XKR9: variants seen among roughly 807,000 people sequenced by gnomAD.
XKR9 encodes XK-related protein 9.
XKR9 carries 32 observed loss-of-function variants against 32.0 expected under a neutral mutation model. That is an observed-to-expected ratio of 1.00 (90% CI 0.76 to 1.34). The LOEUF (loss-of-function observed/expected upper bound fraction) is 1.34, where lower values mean the gene tolerates loss of function less well. XKR9 is among the 40% of genes most tolerant of loss of function. The probability of loss-of-function intolerance (pLI) is 0.00; values close to 1 mark genes in which losing one functional copy is unlikely to be tolerated. For synonymous variants in XKR9, 168 were observed against 143.4 expected (o/e 1.17, Z -1.22); for missense variants, 546 against 429.7 (o/e 1.27, Z -2.39).
chr8:70,817,662 G>A, the XKR9 span, among the ~76,000 whole-genome samples: 1 of 152,058 alleles, frequency 6.6e-6, no homozygotes, highest in African/African-American at 2.4e-5. Flanking sequence ...AGCCCCAGTA[G>A]CCAAAACAAT....
At chr8:70,870,379 C>A in the XKR9 span, among the ~76,000 whole-genome samples, 20 of 152,312 alleles carry the variant, frequency 1.3e-4, no homozygotes, top group Non-Finnish European at 2.9e-4. Flanking sequence ...ATTCCAGAGT[C>A]TGGTCACATA....
At chr8:70,912,199 T>A in the XKR9 span, among the ~76,000 whole-genome samples, 2 of 152,014 alleles carry the variant, frequency 1.3e-5, no homozygotes, top group Non-Finnish European at 2.9e-5. Flanking sequence ...ATCATAAGGA[T>A]GGTGTTTGCT....
chr8:70,891,495 T>A, the XKR9 span, among the ~76,000 whole-genome samples: 1 of 152,058 alleles, frequency 6.6e-6, no homozygotes, highest in Admixed American at 6.6e-5. Context: ...TATTTCTTTT[T>A]TTATTTGTTT....
At chr8:70,843,617 A>G in the XKR9 span, among the ~76,000 whole-genome samples, 1 of 152,208 alleles carries the variant, frequency 6.6e-6, no homozygotes, top group Non-Finnish European at 1.5e-5. Flanking sequence ...AAAGCAAAGC[A>G]AAGATTGGAT....
chr8:70,974,321 C>T, the XKR9 span, among the ~76,000 whole-genome samples: 3 of 151,610 alleles, frequency 2.0e-5, no homozygotes, highest in African/African-American at 7.3e-5. Context: ...TATACATGTG[C>T]TGTGTTGGTT....
intron 3 of XKR9, among the ~76,000 whole-genome samples, chr8:70,693,982 G>T (rs941199933): frequency 6.6e-6 from 1 of 152,192 alleles, no homozygotes; most frequent in Non-Finnish European, 1.5e-5. Context: ...GGGGGTGGTT[G>T]GAGGCCCAGG....
chr8:70,990,523 A>G, the XKR9 span, among the ~76,000 whole-genome samples: 1 of 152,194 alleles, frequency 6.6e-6, no homozygotes, highest in South Asian at 2.1e-4. Context: ...TATATTTGTC[A>G]TTCTTAGCTA....
chr8:70,756,566 T>C (rs1807229509), intron 2 of XKR9, among the ~76,000 whole-genome samples: 1 of 152,244 alleles, frequency 6.6e-6, no homozygotes, highest in East Asian at 1.9e-4. Flanking sequence ...TTTCAGAGTA[T>C]AAGTTTTGTA....
intron 2 of XKR9, among the ~76,000 whole-genome samples, chr8:70,788,855 G>A (rs1307214104): frequency 6.6e-6 from 1 of 152,084 alleles, no homozygotes; most frequent in Non-Finnish European, 1.5e-5. Flanking sequence ...GCCTGGATGT[G>A]AGAGTGTGTT....
At chr8:70,804,138 T>C in the XKR9 span, among the ~76,000 whole-genome samples, 1 of 152,192 alleles carries the variant, frequency 6.6e-6, no homozygotes, top group Non-Finnish European at 1.5e-5. Flanking sequence ...CCTGGGACAT[T>C]AGGAGGCTGA....
chr8:70,703,557 C>A (rs1805612838), intron 3 of XKR9, among the ~76,000 whole-genome samples: 1 of 152,086 alleles, frequency 6.6e-6, no homozygotes, highest in East Asian at 1.9e-4. Context: ...TCAAAAGGCT[C>A]TCCACCTCAA....
chr8:70,921,171 C>T, the XKR9 span, among the ~76,000 whole-genome samples: 1 of 152,178 alleles, frequency 6.6e-6, no homozygotes, highest in Non-Finnish European at 1.5e-5. Context: ...AATAGGAGCA[C>T]AAAAAGAACA....
At chr8:70,919,039 A>G in the XKR9 span, among the ~76,000 whole-genome samples, 1 of 151,906 alleles carries the variant, frequency 6.6e-6, no homozygotes, top group Non-Finnish European at 1.5e-5. Flanking sequence ...TGCCTCCCAA[A>G]GTGCTGGGAT....
the XKR9 span, among the ~76,000 whole-genome samples, chr8:70,951,009 C>T: frequency 6.6e-6 from 1 of 152,282 alleles, no homozygotes; most frequent in South Asian, 2.1e-4. Context: ...CTCTCTTTCT[C>T]TCCGTAGACG....
the XKR9 span, among the ~76,000 whole-genome samples, chr8:70,828,886 A>G: frequency 2.0e-5 from 3 of 152,182 alleles, no homozygotes; most frequent in Non-Finnish European, 4.4e-5. Context: ...TAAGGTCTTT[A>G]TATGCATTAA....
the XKR9 span, among the ~76,000 whole-genome samples, chr8:70,948,950 A>T: frequency 6.6e-6 from 1 of 152,190 alleles, no homozygotes; most frequent in Admixed American, 6.5e-5. Context: ...CAAATAGGAA[A>T]ATCCATGGGC....
At chr8:70,800,074 A>G in the XKR9 span, among the ~76,000 whole-genome samples, 2 of 152,158 alleles carry the variant, frequency 1.3e-5, no homozygotes, top group Non-Finnish European at 2.9e-5. Context: ...ACATGAAGGA[A>G]TGTTTAATTT....
the XKR9 span, among the ~76,000 whole-genome samples, chr8:70,961,783 T>C: frequency 6.6e-6 from 1 of 152,130 alleles, no homozygotes; most frequent in East Asian, 1.9e-4. Flanking sequence ...ACTGAAGCAC[T>C]ACAGGATTTT....
the XKR9 span, among the ~76,000 whole-genome samples, chr8:71,040,011 G>A: frequency 2.6e-5 from 4 of 152,090 alleles, no homozygotes; most frequent in African/African-American, 9.7e-5. Flanking sequence ...TCTTTAGGTG[G>A]CCAGGTGTGG....
Sources: allele counts gnomAD v4.1 joint callset (sites outside exome capture counted in the v4.1 genomes callset), GRCh38; gene constraint gnomAD v4.1.1; transcripts MANE v1.5; gene names NCBI Gene and HGNC (gene_info 2026-07-23, HGNC 2026-07-21).